The following COL6A3 variants were observed in gnomAD, a reference collection of about 807,000 sequenced individuals.
The protein encoded by COL6A3 is collagen type VI alpha 3 chain, also known as collagen alpha-3(VI) chain.
Under a neutral mutation model 274.1 loss-of-function variants are expected in COL6A3, and 137 were observed. The observed-to-expected ratio is 0.50, with a 90% CI of 0.44 to 0.58. The LOEUF (loss-of-function observed/expected upper bound fraction) is 0.58, where lower values mean the gene tolerates loss of function less well. COL6A3 is among the 20% of genes least tolerant of loss of function. The pLI is 0.00. For missense variants in COL6A3, 3,950 were observed against 4,124.9 expected (o/e 0.96, Z 1.16); for synonymous variants, 1,650 against 1,650.6 (o/e 1.00, Z 0.01).
chr2:237,394,668 C>A lies in COL6A3; in HGVS notation c.628G>T (p.Val210Leu). The A allele has an allele frequency of 1.2e-6, 2 of 1,614,230 alleles. No individual in the cohort carries two copies. Among genetic ancestry groups the A allele is most frequent in the Non-Finnish European group, 1.7e-6 (2 of 1,180,026 alleles). ...LENFTSLHDI[V>L]GNLVSCVHSS... The stretch of plus-strand genomic sequence containing the variant: ...TGCACACAGGACACTAAGTTTCCTA[C>A]TATGTCATGAAGTGAGGTAAAATTC... The change falls in exon 3 of 44, where the codon GTA becomes TTA. Residue 210 changes from valine (V) to leucine (L), a missense_variant. Around this residue, in one of 5 missense-constraint regions of COL6A3, gnomAD observed 1,934 missense variants for 1,984.3 expected, o/e 0.97. Coordinates refer to ENST00000295550, the MANE Select transcript of COL6A3 (RefSeq NM_004369.4).
chr2:237,363,429 A>G lies in COL6A3; in HGVS notation c.5918-31T>C, dbSNP rs759076561. 3 of 1,612,164 alleles carry G rather than the reference A, an allele frequency of 1.9e-6. No individual in the cohort carries two copies. In the South Asian group the frequency reaches 3.3e-5, roughly 18 times the overall value. On this transcript the variant is annotated intron_variant, in intron 13 of 43. Coordinates refer to ENST00000295550, the MANE Select transcript of COL6A3 (RefSeq NM_004369.4). ...AAGAAAGACACATTTAATACAGCTC[A>G]CCTAGGCATGTGGAAAATGCAATGT...
Position 237,334,886 on chromosome 2 carries a change from T to G in COL6A3, c.8969A>C (p.Lys2990Thr). 6.2e-7 allele frequency: 1 copy of G among 1,614,124 alleles called. No homozygotes were observed. Among genetic ancestry groups the G allele is most frequent in the Non-Finnish European group, 8.5e-7 (1 of 1,180,028 alleles). ...TKPATTKPMV[K>T]MSREVQVFEI... ...AAACACCTGGACTTCACGGGACATC[T>G]TAACTGAAAGATAGATCAGAGCGTG... The change falls in exon 41 of 44, where the codon AAG (lysine) becomes ACG (threonine). Residue 2990 changes from lysine to threonine, a missense_variant. By Grantham distance (78) the Lys-to-Thr change is moderately conservative. Transcript: ENST00000295550.
chr2:237,372,908 G>A lies in COL6A3; in HGVS notation c.3680-571C>T, dbSNP rs935549050. ...GCACAGTGGAGAAAGGGTGACACAA[G>A]AGCAAGAAAGGGAACTGCAGATGGT... On this transcript the variant is annotated intron_variant, in intron 8 of 43. Coordinates refer to ENST00000295550, the MANE Select transcript of COL6A3 (RefSeq NM_004369.4). 4.6e-5 allele frequency among the ~76,000 whole-genome samples: 7 copies of A among 152,310 alleles called. No individual in the cohort carries two copies. In the East Asian group the frequency reaches 1.4e-3, roughly 29 times the overall value.
intron 1 of COL6A3, among the ~76,000 whole-genome samples, chr2:237,405,291 GC>G (rs1417607235): frequency 7.9e-5 from 12 of 152,140 alleles, no homozygotes; most frequent in Admixed American, 6.5e-5. Context: ...TTGAATATTT[GC>G]TGATATTTTC....
At chr2:237,348,739 G>T in intron 28 of COL6A3, 76 bp from the exon 29 acceptor site, 1 of 1,343,274 alleles carries the variant, frequency 7.4e-7, no homozygotes, top group Non-Finnish European at 1.1e-6. Context: ...CCCTGCCGCT[G>T]CCCCTGAGAA....
intron 40 of COL6A3, 76 bp from the exon 41 acceptor site, chr2:237,334,965 C>T: frequency 6.4e-7 from 1 of 1,551,890 alleles, no homozygotes; most frequent in Non-Finnish European, 8.9e-7. Flanking sequence ...GAGAGGAAAT[C>T]TGAAAGGGAT....
At position 237,344,188 on chromosome 2, in the gene COL6A3, G is replaced by A; in HGVS notation, c.7668+162C>T. ...CCTGTAGTGCTGGAGCCACGAGGTT[G>A]TCCTGGAGACCTCACAAGAGAAGTT... On this transcript the variant is annotated intron_variant, in intron 36 of 43. Transcript: ENST00000295550. This position sits in a 1 kb window ranked among gnomAD's most constrained non-coding sequence, Gnocchi z 4.8. The A allele has an allele frequency of 9.5e-7, 1 of 1,049,354 alleles. No homozygotes were observed. Among genetic ancestry groups the A allele is most frequent in the African/African-American group, 1.6e-5 (1 of 64,256 alleles). 65.0% of individuals were successfully genotyped at this position (1,049,354 alleles called of 1,614,324 possible). A position where few individuals can be genotyped will look rare whatever the true frequency, so the allele number is the denominator to read the frequency against.
At chr2:237,401,088 C>G (rs2078577711) in intron 1 of COL6A3, among the ~76,000 whole-genome samples, 1 of 152,106 alleles carries the variant, frequency 6.6e-6, no homozygotes, top group Admixed American at 6.5e-5. Context: ...ACCAATGGAA[C>G]AGAATAGAGA....
In COL6A3 at chr2:237,358,126, G is replaced by A. The variant is rs937366555; in HGVS notation, c.6472-244C>T. Among the ~76,000 whole-genome samples, 19 of 152,194 alleles carry A rather than the reference G, an allele frequency of 1.2e-4. 1 individual carries two copies. The highest frequency in any genetic ancestry group is 4.6e-4 in the African/African-American group (19 of 41,432). The stretch of plus-strand genomic sequence containing the variant: ...CTTCCCCAGGGAGGAGGATGCCCCA[G>A]GCTCACTCCTGCTTATCCTTGGCCA... On this transcript the variant is annotated intron_variant, in intron 21 of 43. Coordinates refer to ENST00000295550, the MANE Select transcript of COL6A3 (RefSeq NM_004369.4).
Position 237,374,302 on chromosome 2 carries a change from C to T in COL6A3, c.3679+110G>A, listed in dbSNP as rs2077772091. 7 of 1,505,238 alleles carry T rather than the reference C, an allele frequency of 4.7e-6. No homozygotes were observed. Among genetic ancestry groups the T allele is most frequent in the Non-Finnish European group, 6.4e-6 (7 of 1,098,748 alleles). The allele number at this position is 1,505,238 out of a possible 1,614,324, so 93.2% of individuals were successfully genotyped here. A position where few individuals can be genotyped will look rare whatever the true frequency, so the allele number is the denominator to read the frequency against. On this transcript the variant is annotated intron_variant, in intron 8 of 43. Coordinates refer to ENST00000295550, the MANE Select transcript of COL6A3 (RefSeq NM_004369.4). The surrounding 1 kb of genome is among the most constrained non-coding windows in gnomAD (Gnocchi z 4.8). The stretch of plus-strand genomic sequence containing the variant: ...TAAATTTTCCTGTAATTTTAGTTTT[C>T]ACTTCACATGGCAGGAAAAGCAAAA...
chr2:237,409,736 T>C (rs563321922), intron 1 of COL6A3, among the ~76,000 whole-genome samples: 1 of 152,200 alleles, frequency 6.6e-6, no homozygotes, highest in Non-Finnish European at 1.5e-5. Flanking sequence ...TGTCCATTAT[T>C]AGGGGAAAGT....
intron 9 of COL6A3, among the ~76,000 whole-genome samples, chr2:237,369,464 T>G (rs1212359423): frequency 6.6e-6 from 1 of 152,256 alleles, no homozygotes; most frequent in Non-Finnish European, 1.5e-5. Context: ...ATTTCTAAAA[T>G]GTAAGGAGCA....
At chr2:237,357,293 A>C in intron 23 of COL6A3, 45 bp downstream of exon 23, 1 of 1,555,816 alleles carries the variant, frequency 6.4e-7, no homozygotes, top group Non-Finnish European at 8.9e-7. Context: ...ATCTTATGGC[A>C]CTAAGAATTG....
Position 237,364,028 on chromosome 2 carries a change from C to T in COL6A3, c.5917+322G>A, listed in dbSNP as rs1267339926. On this transcript the variant is annotated intron_variant, in intron 13 of 43. Coordinates refer to ENST00000295550, the MANE Select transcript of COL6A3 (RefSeq NM_004369.4). This position sits in a 1 kb window ranked among gnomAD's most constrained non-coding sequence, Gnocchi z 4.6. Reference sequence around the variant, plus strand: ...TAGAGCAATGTATTTTTATTAGTAACTAATTCCTAGTTTATGTGATGAAGT... The same window carrying T: ...TAGAGCAATGTATTTTTATTAGTAATTAATTCCTAGTTTATGTGATGAAGT... Among the ~76,000 whole-genome samples, 1 of 152,190 alleles carries T rather than the reference C, an allele frequency of 6.6e-6. No individual in the cohort carries two copies. The highest frequency in any genetic ancestry group is 2.4e-5 in the African/African-American group (1 of 41,446).
chr2:237,378,761 A>G lies in COL6A3; in HGVS notation c.2372T>C (p.Phe791Ser). The G allele has an allele frequency of 6.2e-7, 1 of 1,614,208 alleles. No homozygotes were observed. The highest frequency in any genetic ancestry group is 8.5e-7 in the Non-Finnish European group (1 of 1,180,048). The change falls in exon 6 of 44, where the codon TTT becomes TCT. Residue 791 changes from phenylalanine to serine, a missense_variant. By Grantham distance (155) the Phe-to-Ser change is radical. Around this residue, in one of 5 missense-constraint regions of COL6A3, gnomAD observed 1,934 missense variants for 1,984.3 expected, o/e 0.97. Transcript: ENST00000295550. ...CATGAGATACACCAGGCTTGGGTTA[A>G]AAGCAATCTGCTCAAGCTCTGCCTT... ...ANKAELEQIAFNPSLVYLMDD... is the reference protein window; with the variant it reads ...ANKAELEQIASNPSLVYLMDD...
intron 12 of COL6A3, among the ~76,000 whole-genome samples, chr2:237,365,381 T>G (rs2077528230): frequency 6.6e-6 from 1 of 152,116 alleles, no homozygotes; most frequent in Non-Finnish European, 1.5e-5. Flanking sequence ...CATGCATGCA[T>G]GCACACATAC....
chr2:237,334,520 T>G, intron 41 of COL6A3, 106 bp downstream of exon 41: 1 of 1,289,680 alleles, frequency 7.8e-7, no homozygotes, highest in Non-Finnish European at 1.1e-6. Flanking sequence ...GTTTTTTGAA[T>G]TTGTGGTTAT....
In COL6A3 at chr2:237,371,969, C is replaced by T. The variant is rs752977410; in HGVS notation, c.4048G>A (p.Asp1350Asn). 7.7e-5 allele frequency: 125 copies of T among 1,614,020 alleles called. No homozygotes were observed. The highest frequency in any genetic ancestry group is 1.0e-4 in the Non-Finnish European group (118 of 1,180,034). The change falls in exon 9 of 44, where the codon GAT (aspartate) becomes AAT (asparagine). Residue 1350 changes from aspartate to asparagine, a missense_variant. Around this residue, in one of 5 missense-constraint regions of COL6A3, gnomAD observed 1,934 missense variants for 1,984.3 expected, o/e 0.97. Transcript: ENST00000295550. This position sits in a 1 kb window ranked among gnomAD's most constrained non-coding sequence, Gnocchi z 4.3. ...LVLISSGKSDDEVDDPAVELK... is the reference protein window; with the variant it reads ...LVLISSGKSDNEVDDPAVELK... ...TCCACCGCCGGGTCGTCCACCTCAT[C>T]GTCAGACTTTCCAGACGAGATGAGG... is the stretch of plus-strand genomic sequence containing the variant.
chr2:237,400,264 G>A (rs1289732322), intron 1 of COL6A3, among the ~76,000 whole-genome samples: 2 of 152,204 alleles, frequency 1.3e-5, no homozygotes, highest in Non-Finnish European at 2.9e-5. Flanking sequence ...TCAAGTATAT[G>A]TCAGATTTTG....
Sources: allele counts gnomAD v4.1 joint callset (sites outside exome capture counted in the v4.1 genomes callset), GRCh38; gene constraint gnomAD v4.1.1; regional missense constraint gnomAD v4.1.1; non-coding constraint Gnocchi (gnomAD v3.1); transcripts MANE v1.5; gene names NCBI Gene and HGNC (gene_info 2026-07-23, HGNC 2026-07-21).